RGS17: variants seen among roughly 807,000 people sequenced by gnomAD.
RGS17 encodes the protein regulator of G protein signaling 17.
A neutral mutation model predicts 25.5 loss-of-function variants in RGS17; 12 were observed. The ratio of observed to expected loss-of-function variants is 0.47; its 90% CI spans 0.30 to 0.76. RGS17 has a LOEUF of 0.76. Among genes scored for constraint, RGS17 ranks in the 30% least tolerant of loss-of-function variants. The probability of loss-of-function intolerance (pLI) is 0.07; values close to 1 mark genes in which losing one functional copy is unlikely to be tolerated. For synonymous variants in RGS17, 71 were observed against 76.9 expected (o/e 0.92, Z 0.40); for missense variants, 196 against 242.2 (o/e 0.81, Z 1.27).
At chr6:153,024,199 G>A in intron 4 of RGS17, 63 bp downstream of exon 4, 1 of 1,074,582 alleles carries the variant, frequency 9.3e-7, no homozygotes, top group Non-Finnish European at 1.4e-6. Context: ...AATGTGGACA[G>A]CCATCCCTTG....
chr6:153,025,663 T>C (rs1386004741), intron 3 of RGS17, among the ~76,000 whole-genome samples: 1 of 118,950 alleles, frequency 8.4e-6, no homozygotes, highest in Non-Finnish European at 1.7e-5. Context: ...TATAAAAACA[T>C]ATATATATAA....
At chr6:153,033,802 C>T (rs549660647) in intron 2 of RGS17, among the ~76,000 whole-genome samples, 15 of 152,198 alleles carry the variant, frequency 9.9e-5, no homozygotes, top group African/African-American at 3.6e-4. Context: ...TCAGTTCTCA[C>T]GTTGATTAAA....
At chr6:153,125,193 G>A (rs981104703) in intron 1 of RGS17, among the ~76,000 whole-genome samples, 7 of 152,090 alleles carry the variant, frequency 4.6e-5, no homozygotes, top group African/African-American at 1.7e-4. Context: ...CAGCAGTACT[G>A]TACTGTGAAA....
At chr6:153,102,023 G>T (rs538466065) in intron 1 of RGS17, among the ~76,000 whole-genome samples, 2 of 152,292 alleles carry the variant, frequency 1.3e-5, no homozygotes, top group South Asian at 4.1e-4. Flanking sequence ...TACCAACAAG[G>T]TATCAAATCC....
chr6:153,066,472 G>A (rs1457793178), intron 1 of RGS17, among the ~76,000 whole-genome samples: 4 of 152,080 alleles, frequency 2.6e-5, no homozygotes, highest in Non-Finnish European at 4.4e-5. Context: ...AAAAATAGAG[G>A]AGGAGGGAAT....
chr6:153,079,271 T>G (rs1287705734), intron 1 of RGS17, among the ~76,000 whole-genome samples: 1 of 152,070 alleles, frequency 6.6e-6, no homozygotes. Context: ...AGAGATGAGG[T>G]TTCACCATGT....
At chr6:153,103,850 T>A (rs1777341965) in intron 1 of RGS17, among the ~76,000 whole-genome samples, 1 of 152,272 alleles carries the variant, frequency 6.6e-6, no homozygotes, top group South Asian at 2.1e-4. Context: ...GGAAGAGAGG[T>A]AAACATCTTA....
At chr6:153,051,974 CA>C (rs1171858253) in intron 1 of RGS17, among the ~76,000 whole-genome samples, 16 of 152,090 alleles carry the variant, frequency 1.1e-4, no homozygotes, top group Non-Finnish European at 2.4e-4. Flanking sequence ...CAGGGAAGAC[CA>C]TAAAACTTTT....
At chr6:153,012,166 C>G (rs747411219) in intron 4 of RGS17, among the ~76,000 whole-genome samples, 5 of 152,146 alleles carry the variant, frequency 3.3e-5, no homozygotes, top group Non-Finnish European at 7.4e-5. Flanking sequence ...AATCTACTGG[C>G]AGAAAAGAGT....
At chr6:153,126,988 G>C (rs553119369) in intron 1 of RGS17, among the ~76,000 whole-genome samples, 4 of 152,190 alleles carry the variant, frequency 2.6e-5, no homozygotes, top group Non-Finnish European at 5.9e-5. Context: ...CCGGTTTCAT[G>C]GAAGACAATT....
intron 1 of RGS17, among the ~76,000 whole-genome samples, chr6:153,129,258 T>C (rs915248725): frequency 8.5e-5 from 13 of 152,250 alleles, no homozygotes; most frequent in Non-Finnish European, 1.6e-4. Flanking sequence ...AGTGTGCTAA[T>C]TACTGTTTTA....
At chr6:153,032,270 T>C (rs894263631) in intron 2 of RGS17, among the ~76,000 whole-genome samples, 6 of 152,106 alleles carry the variant, frequency 3.9e-5, no homozygotes, top group African/African-American at 9.7e-5. Flanking sequence ...GTGGGGTGTG[T>C]GGGGATGGGA....
chr6:153,054,258 G>A (rs1400991640), intron 1 of RGS17, among the ~76,000 whole-genome samples: 3 of 150,632 alleles, frequency 2.0e-5, no homozygotes, highest in Non-Finnish European at 4.4e-5. Flanking sequence ...GAAACATTCA[G>A]AGGTAAATGT....
chr6:153,079,548 A>G (rs905250414), intron 1 of RGS17, among the ~76,000 whole-genome samples: 3 of 152,196 alleles, frequency 2.0e-5, no homozygotes, highest in African/African-American at 7.2e-5. Flanking sequence ...TTTCTTAAAT[A>G]TGTACTGATG....
chr6:153,047,681 G>A (rs557721446), intron 1 of RGS17, among the ~76,000 whole-genome samples: 32 of 152,270 alleles, frequency 2.1e-4, no homozygotes, highest in African/African-American at 7.2e-4. Context: ...GATACAGAAT[G>A]ACAATCTTCT....
At chr6:153,110,030 T>C (rs1777444464) in intron 1 of RGS17, among the ~76,000 whole-genome samples, 1 of 152,260 alleles carries the variant, frequency 6.6e-6, no homozygotes, top group Admixed American at 6.5e-5. Context: ...CATTTTAAAT[T>C]TCTCAAGAAT....
chr6:153,036,720 T>C (rs1027335075), intron 2 of RGS17, among the ~76,000 whole-genome samples: 3 of 152,198 alleles, frequency 2.0e-5, no homozygotes, highest in African/African-American at 7.2e-5. Flanking sequence ...ATGCAAGCAA[T>C]ATGGAGTCAT....
chr6:153,057,418 G>C (rs1020450060), intron 1 of RGS17, among the ~76,000 whole-genome samples: 2 of 151,998 alleles, frequency 1.3e-5, no homozygotes, highest in African/African-American at 2.4e-5. Flanking sequence ...GCAGTCTCTC[G>C]TATCACCACT....
intron 1 of RGS17, among the ~76,000 whole-genome samples, chr6:153,098,621 C>A (rs1777252400): frequency 1.3e-5 from 2 of 151,948 alleles, no homozygotes; most frequent in South Asian, 4.1e-4. Context: ...GAATTATAAA[C>A]CTAAGGGACA....
Sources: allele counts gnomAD v4.1 joint callset (sites outside exome capture counted in the v4.1 genomes callset), GRCh38; gene constraint gnomAD v4.1.1; transcripts MANE v1.5; gene names NCBI Gene and HGNC (gene_info 2026-07-23, HGNC 2026-07-21).